MBNL2: variants seen among roughly 807,000 people sequenced by gnomAD.
MBNL2 encodes the protein muscleblind-like protein 2.
A neutral mutation model predicts 41.9 loss-of-function variants in MBNL2; 17 were observed. That is an observed-to-expected ratio of 0.41 (90% confidence interval 0.28 to 0.61). MBNL2 has a LOEUF of 0.61. Ranked by LOEUF, MBNL2 falls within the 20% of genes least tolerant of loss-of-function variation. MBNL2 has a pLI of 0.35. For missense variants in MBNL2, 336 were observed against 505.6 expected, an observed-to-expected ratio of 0.66 and a Z score of 3.22; for synonymous variants, 195 against 182.9, an observed-to-expected ratio of 1.07 and a Z score of -0.53.
At chr13:97,261,528 C>T (rs1308361987) in intron 1 of MBNL2, among the ~76,000 whole-genome samples, 1 of 152,194 alleles carries the variant, frequency 6.6e-6, no homozygotes, top group Non-Finnish European at 1.5e-5. Context: ...CTGCTTTCCA[C>T]TGGCCAAGGG....
chr13:97,244,884 G>A (rs1411988020), intron 1 of MBNL2, among the ~76,000 whole-genome samples: 4 of 152,062 alleles, frequency 2.6e-5, no homozygotes, highest in African/African-American at 9.7e-5. Flanking sequence ...AATTACTGAA[G>A]AGCTTGAATT....
chr13:97,355,628 TAAC>T (rs562057524), intron 5 of MBNL2, among the ~76,000 whole-genome samples: 2 of 152,262 alleles, frequency 1.3e-5, no homozygotes, highest in South Asian at 4.1e-4. Flanking sequence ...TTACAACAAT[TAAC>T]AAAGAATAGG....
rs1219440461 is a variant in MBNL2 at position 97,287,922 on chromosome 13, TTTTTTTGTTTTGTTTTG to T, written c.174+11520_174+11536del. On this transcript the variant is annotated intron_variant, in intron 2 of 8. Coordinates refer to ENST00000679496, the MANE Select transcript of MBNL2 (RefSeq NM_001382683.1). ...ACCAGGCCCGGCTAATTTTCTGTTTTTTTTTTGTTTTGTTTTGTTTTTTTTTTTTTTAGTAGAGATGG... is the reference window on the plus strand; with the variant it reads ...ACCAGGCCCGGCTAATTTTCTGTTTTTTTTTTTTTTTTTTAGTAGAGATGG... Among the ~76,000 whole-genome samples, 77 of 120,006 alleles carry T rather than the reference TTTTTTTGTTTTGTTTTG, an allele frequency of 6.4e-4. 7 individuals carry two copies. The highest frequency in any genetic ancestry group is 2.3e-3 in the African/African-American group (75 of 32,336). The allele number at this position is 120,006 out of a possible 152,430, so 78.7% of individuals were successfully genotyped here.
rs577953803 is a variant in MBNL2 at position 97,380,840 on chromosome 13, A to G, written c.1049-10482A>G. 4.6e-5 allele frequency among the ~76,000 whole-genome samples: 7 copies of G among 152,128 alleles called. No individual in the cohort carries two copies. The South Asian group carries it at 1.5e-3, about 32-fold the overall frequency. On this transcript the variant is annotated intron_variant, in intron 8 of 8. Coordinates refer to ENST00000679496, the MANE Select transcript of MBNL2 (RefSeq NM_001382683.1). The stretch of plus-strand genomic sequence containing the variant: ...TTTGCCGACGATTGGCTATTTTGGC[A>G]CTTCCTGAGGGCTTACTGGGGAGGG...
At chr13:97,340,110 A>G (rs1207085431) in intron 3 of MBNL2, among the ~76,000 whole-genome samples, 1 of 152,218 alleles carries the variant, frequency 6.6e-6, no homozygotes, top group African/African-American at 2.4e-5. Context: ...ATTTGAGAAG[A>G]TTAAAGAAGA....
At chr13:97,224,390 C>T (rs1345201753) in intron 1 of MBNL2, among the ~76,000 whole-genome samples, 1 of 152,044 alleles carries the variant, frequency 6.6e-6, no homozygotes, top group Non-Finnish European at 1.5e-5. Flanking sequence ...CAGGTGGCAA[C>T]CTTGGTCACA....
chr13:97,147,312 G>A, the MBNL2 span, among the ~76,000 whole-genome samples: 8 of 152,156 alleles, frequency 5.3e-5, no homozygotes, highest in Non-Finnish European at 8.8e-5. Context: ...AATGTATGAA[G>A]GTAATTTGAG....
intron 5 of MBNL2, among the ~76,000 whole-genome samples, chr13:97,350,391 ATT>A (rs1353787837): frequency 6.6e-6 from 1 of 152,094 alleles, no homozygotes; most frequent in Admixed American, 6.5e-5. Context: ...GGCTGTGGTA[ATT>A]TCTTAAAAAT....
chr13:97,223,417 C>T (rs1368728894), intron 1 of MBNL2, among the ~76,000 whole-genome samples: 2 of 152,220 alleles, frequency 1.3e-5, no homozygotes, highest in African/African-American at 2.4e-5. Flanking sequence ...CTAAAGAATT[C>T]TTTCTGCCCT....
intron 1 of MBNL2, among the ~76,000 whole-genome samples, chr13:97,243,808 G>A (rs753371404): frequency 5.9e-5 from 9 of 152,170 alleles, no homozygotes; most frequent in Non-Finnish European, 1.2e-4. Flanking sequence ...CAGAGAAAGA[G>A]GACTATTTTG....
chr13:97,288,794 G>A (rs1021499297), intron 2 of MBNL2, among the ~76,000 whole-genome samples: 2 of 152,146 alleles, frequency 1.3e-5, no homozygotes, highest in Non-Finnish European at 2.9e-5. Context: ...GATACTCCTA[G>A]GACAAATCCT....
rs2052101643 is a variant in MBNL2, at chr13:97,276,241, T to C, written c.6T>C (p.Ala2=). M[A]LNVAPVRDTK... ...GCCCAAATTACTTTATCACCATGGC[T>C]TTGAACGTTGCCCCAGTCAGAGATA... The change falls in exon 2 of 9, where the codon GCT becomes GCC. Residue 2 remains alanine (A), a synonymous_variant. Transcript: ENST00000679496. The C allele has an allele frequency of 6.2e-7, 1 of 1,613,414 alleles. No individual in the cohort carries two copies. Among genetic ancestry groups the C allele is most frequent in the Admixed American group, 1.7e-5 (1 of 60,010 alleles).
intron 3 of MBNL2, among the ~76,000 whole-genome samples, chr13:97,337,433 C>A (rs2060982324): frequency 6.6e-6 from 1 of 152,226 alleles, no homozygotes. Flanking sequence ...AACACTCCTT[C>A]CTCCGTCTCC....
At chr13:97,316,546 C>T (rs2059072033) in intron 2 of MBNL2, among the ~76,000 whole-genome samples, 1 of 152,194 alleles carries the variant, frequency 6.6e-6, no homozygotes, top group Admixed American at 6.5e-5. Flanking sequence ...CTCATGGAGT[C>T]CAGATTCTCC....
At chr13:97,259,828 G>A (rs2048272548) in intron 1 of MBNL2, among the ~76,000 whole-genome samples, 2 of 152,156 alleles carry the variant, frequency 1.3e-5, no homozygotes, top group Admixed American at 1.3e-4. Context: ...TCGAGAAGAT[G>A]GAACAGAGCA....
chr13:97,271,461 AAAAAC>A (rs957619659), intron 1 of MBNL2, among the ~76,000 whole-genome samples: 12 of 149,074 alleles, frequency 8.0e-5, no homozygotes, highest in Non-Finnish European at 1.3e-4. Flanking sequence ...AAAACAAACA[AAAAAC>A]AAAACAAAAA....
At chr13:97,390,882 T>A (rs76270213) in intron 8 of MBNL2, among the ~76,000 whole-genome samples, 1,771 of 152,318 alleles carry the variant, frequency 0.012, 39 homozygotes, top group African/African-American at 0.04. Context: ...CTGATTATTA[T>A]AGATTTTGAA....
At chr13:97,359,956 T>TTAAG (rs1219050411) in intron 7 of MBNL2, among the ~76,000 whole-genome samples, 1 of 152,248 alleles carries the variant, frequency 6.6e-6, no homozygotes. Flanking sequence ...TCATTTTAGC[T>TTAAG]TAAGTTTTTG....
the MBNL2 span, among the ~76,000 whole-genome samples, chr13:97,212,335 C>T: frequency 6.6e-6 from 1 of 152,118 alleles, no homozygotes; most frequent in Admixed American, 6.5e-5. Flanking sequence ...TGTCTCTGTT[C>T]AGAGGGCGCT....
Sources: gnomAD v4.1 joint callset for allele counts (sites outside exome capture counted in the v4.1 genomes callset) on GRCh38, gnomAD v4.1.1 for gene constraint, MANE v1.5 for transcripts, NCBI Gene and HGNC (gene_info 2026-07-23, HGNC 2026-07-21) for gene names.